The following CRYAB variants were observed in gnomAD, a reference collection of about 807,000 sequenced individuals.
CRYAB encodes alpha-crystallin B chain.
Under a neutral mutation model 12.7 loss-of-function variants are expected in CRYAB, and 9 were observed. The ratio of observed to expected loss-of-function variants is 0.71; its 90% CI spans 0.43 to 1.24. The LOEUF is 1.24. CRYAB is among the 50% of genes most tolerant of loss of function. CRYAB has a pLI of 0.00. For synonymous variants in CRYAB, 93 were observed against 86.8 expected (o/e 1.07, Z -0.40); for missense variants, 183 against 226.6 (o/e 0.81, Z 1.24).
At chr11:111,911,792 C>G (rs1965471614), upstream of CRYAB, 6 of 1,047,014 alleles carry the variant, frequency 5.7e-6, no homozygotes, top group Admixed American at 8.0e-5. Context: ...CAGCCAGCCC[C>G]TTATATATGC....
intron 1 of CRYAB, among the ~76,000 whole-genome samples, chr11:111,922,463 T>C (rs1224510922): frequency 2.6e-5 from 4 of 152,216 alleles, no homozygotes; most frequent in Non-Finnish European, 5.9e-5. Context: ...ATTTAACTTC[T>C]GCAACGAGCA....
intron 1 of CRYAB, among the ~76,000 whole-genome samples, chr11:111,922,126 C>T (rs1965710600): frequency 6.6e-6 from 1 of 152,214 alleles, no homozygotes; most frequent in Non-Finnish European, 1.5e-5. Context: ...GCCACCGCAC[C>T]TGGCCTATCA....
chr11:111,919,531 G>C (rs1222786507), intron 1 of CRYAB, among the ~76,000 whole-genome samples: 1 of 152,114 alleles, frequency 6.6e-6, no homozygotes, highest in Non-Finnish European at 1.5e-5. Flanking sequence ...GGCCAGAGCA[G>C]GGCAGGAATA....
intron 1 of CRYAB, among the ~76,000 whole-genome samples, chr11:111,923,002 T>C (rs782001776): frequency 1.3e-5 from 2 of 152,228 alleles, no homozygotes; most frequent in Non-Finnish European, 2.9e-5. Flanking sequence ...TGTCCAGGCA[T>C]TGCACAATAT....
At chr11:111,919,047 G>A (rs1555166309) in intron 1 of CRYAB, 2 of 1,612,156 alleles carry the variant, frequency 1.2e-6, no homozygotes, top group East Asian at 2.2e-5. Flanking sequence ...TATCTCTGTT[G>A]GTGGATGTAG....
At chr11:111,921,895 C>G (rs1217789899) in intron 1 of CRYAB, among the ~76,000 whole-genome samples, 1 of 151,836 alleles carries the variant, frequency 6.6e-6, no homozygotes, top group Non-Finnish European at 1.5e-5. Flanking sequence ...TGCAGTGGCA[C>G]AATCTTGGCT....
At chr11:111,913,855 A>G (rs1555165922), upstream of CRYAB, 1 of 1,613,124 alleles carries the variant, frequency 6.2e-7, no homozygotes. Flanking sequence ...GCGCCTCCTG[A>G]TCCAGAGGAA....
At chr11:111,909,058 G>C (rs1555165279) in intron 2 of CRYAB, 91 bp from the exon 3 acceptor site, 1 of 1,301,706 alleles carries the variant, frequency 7.7e-7, no homozygotes, top group South Asian at 1.2e-5. Flanking sequence ...TTTCCCCTTA[G>C]GTGAGACCAA....
upstream of CRYAB, among the ~76,000 whole-genome samples, chr11:111,916,433 G>A (rs1225670619): frequency 6.6e-6 from 1 of 152,018 alleles, no homozygotes; most frequent in Non-Finnish European, 1.5e-5. Context: ...ATGTTGTCCA[G>A]GCTAGTCTTG....
chr11:111,921,320 C>G (rs1555166549), intron 1 of CRYAB, among the ~76,000 whole-genome samples: 2 of 152,168 alleles, frequency 1.3e-5, no homozygotes, highest in African/African-American at 4.8e-5. Flanking sequence ...GACATTTGGT[C>G]CCTGCCTTGT....
rs553865461 is a variant in CRYAB at position 111,910,364 on chromosome 11, T to C, written c.287A>G (p.Asp96Gly). The C allele has an allele frequency of 3.1e-6, 5 of 1,614,170 alleles. No homozygotes were observed. The highest frequency in any genetic ancestry group is 1.7e-5 in the Admixed American group (1 of 60,014). The change falls in exon 2 of 3, where the codon GAT becomes GGT. Residue 96 changes from aspartate to glycine, a missense_variant. By Grantham distance (94) the Asp-to-Gly change is moderately conservative. Coordinates refer to ENST00000650687, the MANE Select transcript of CRYAB (RefSeq NM_001289808.2). ...PEELKVKVLG[D>G]VIEVHGKHEE... ...ATGTTTTCCATGCACCTCAATCACA[T>C]CTCCCAACACCTTAACTTTGAGTTC... is the stretch of plus-strand genomic sequence containing the variant.
chr11:111,914,144 G>C (rs1387384972), upstream of CRYAB: 2 of 461,814 alleles, frequency 4.3e-6, no homozygotes, highest in Non-Finnish European at 7.7e-6. Flanking sequence ...GATGGGGAGG[G>C]AGGGAGGAGG....
intron 1 of CRYAB, chr11:111,918,867 T>A: frequency 7.4e-7 from 1 of 1,343,050 alleles, no homozygotes; most frequent in Non-Finnish European, 1.1e-6. Flanking sequence ...AATCTGACAC[T>A]GACACAGACT....
At chr11:111,920,265 G>C (rs1257036116) in intron 1 of CRYAB, among the ~76,000 whole-genome samples, 1 of 152,150 alleles carries the variant, frequency 6.6e-6, no homozygotes, top group African/African-American at 2.4e-5. Context: ...GTCGGATGCA[G>C]TGACTCACAC....
At chr11:111,921,630 A>C (rs1965700415) in intron 1 of CRYAB, among the ~76,000 whole-genome samples, 1 of 152,190 alleles carries the variant, frequency 6.6e-6, no homozygotes, top group Non-Finnish European at 1.5e-5. Context: ...CTAGAGAAGG[A>C]GATGTAACAG....
intron 1 of CRYAB, among the ~76,000 whole-genome samples, chr11:111,920,558 G>A (rs950533360): frequency 6.6e-5 from 10 of 151,738 alleles, no homozygotes; most frequent in African/African-American, 2.2e-4. Flanking sequence ...AAGAAAAGGA[G>A]TTTGAGACCA....
chr11:111,910,169 C>A (rs1555165372), intron 2 of CRYAB, 158 bp downstream of exon 2: 1 of 875,060 alleles, frequency 1.1e-6, no homozygotes, highest in East Asian at 2.6e-5. Flanking sequence ...ATATGTCTAT[C>A]CTAACTTAGT....
chr11:111,916,788 C>A (rs1197760151), upstream of CRYAB, among the ~76,000 whole-genome samples: 1 of 152,040 alleles, frequency 6.6e-6, no homozygotes, highest in Non-Finnish European at 1.5e-5. Context: ...CTATTGATTT[C>A]TTTGGAGTTT....
At chr11:111,911,192 GT>G (rs1362513051) in intron 1 of CRYAB, among the ~76,000 whole-genome samples, 17 of 152,170 alleles carry the variant, frequency 1.1e-4, no homozygotes, top group Non-Finnish European at 1.8e-4. Flanking sequence ...AGAGTCCAAG[GT>G]GTTGGAAGAG....
Sources: gnomAD v4.1 joint callset for allele counts (sites outside exome capture counted in the v4.1 genomes callset) on GRCh38, gnomAD v4.1.1 for gene constraint, MANE v1.5 for transcripts, NCBI Gene and HGNC (gene_info 2026-07-23, HGNC 2026-07-21) for gene names.